The following THRB variants were observed in gnomAD, a reference collection of about 807,000 sequenced individuals.
THRB encodes thyroid hormone receptor beta.
THRB carries 12 observed loss-of-function variants against 47.8 expected under a neutral mutation model. The ratio of observed to expected loss-of-function variants is 0.25; its 90% CI spans 0.16 to 0.41. THRB has a LOEUF of 0.41. Among genes scored for constraint, THRB ranks in the 10% least tolerant of loss-of-function variants. The pLI, the probability that THRB is intolerant of heterozygous loss-of-function variation, is 1.00. For synonymous variants in THRB, 218 were observed against 212.2 expected (o/e 1.03, Z -0.24); for missense variants, 348 against 589.2 (o/e 0.59, Z 4.24).
At chr3:24,431,161 C>A (rs1470066585) in intron 1 of THRB, 1 of 151,674 alleles carries the variant, frequency 6.6e-6, no homozygotes, top group Admixed American at 6.6e-5. Context: ...AACATATGTT[C>A]ATTTAAAAAA....
chr3:24,332,268 A>G (rs1043847855), intron 2 of THRB, among the ~76,000 whole-genome samples: 6 of 152,222 alleles, frequency 3.9e-5, no homozygotes, highest in Non-Finnish European at 7.3e-5. Flanking sequence ...AACCAAGAGG[A>G]AATCTTGAGG....
rs1360728184 is a variant in THRB at position 24,164,588 on chromosome 3, A to C, written c.284-12098T>G. 2.6e-5 allele frequency among the ~76,000 whole-genome samples: 4 copies of C among 152,348 alleles called. No individual in the cohort carries two copies. The East Asian group carries it at 7.7e-4, about 29-fold the overall frequency. On this transcript the variant is annotated intron_variant, in intron 5 of 10. Coordinates refer to ENST00000646209, the MANE Select transcript of THRB (RefSeq NM_001354712.2). ...TCACTAAATCACTAAATATTTTACT[A>C]GTTAACTAGTCAACTAAAATAAACT...
intron 5 of THRB, among the ~76,000 whole-genome samples, chr3:24,177,048 T>C (rs1191211946): frequency 6.6e-6 from 1 of 152,200 alleles, no homozygotes; most frequent in East Asian, 1.9e-4. Context: ...ATCATTTATG[T>C]ATCAATACCA....
intron 2 of THRB, among the ~76,000 whole-genome samples, chr3:24,313,740 G>A (rs530101553): frequency 2.6e-4 from 39 of 151,832 alleles, no homozygotes; most frequent in African/African-American, 7.5e-4. Flanking sequence ...AATATTTCAA[G>A]TACATTTCCT....
intron 4 of THRB, among the ~76,000 whole-genome samples, chr3:24,195,675 C>T (rs938680947): frequency 1.3e-5 from 2 of 152,204 alleles, no homozygotes; most frequent in Non-Finnish European, 2.9e-5. Flanking sequence ...CACTGAGCCT[C>T]CCTCTGGCTG....
intron 4 of THRB, among the ~76,000 whole-genome samples, chr3:24,211,473 G>A (rs751812485): frequency 6.6e-6 from 1 of 152,144 alleles, no homozygotes; most frequent in Non-Finnish European, 1.5e-5. Context: ...CAGCCGATTT[G>A]TTAGGTATTC....
chr3:24,149,899 T>C (rs949640681), intron 6 of THRB, among the ~76,000 whole-genome samples: 1 of 152,266 alleles, frequency 6.6e-6, no homozygotes, highest in Non-Finnish European at 1.5e-5. Flanking sequence ...ATTTCATTGA[T>C]GATTTGTTGG....
At chr3:24,246,814 A>G (rs2050153523) in intron 3 of THRB, among the ~76,000 whole-genome samples, 1 of 152,216 alleles carries the variant, frequency 6.6e-6, no homozygotes, top group Admixed American at 6.5e-5. Context: ...TTTATCATAA[A>G]CAAGGCCCAC....
At chr3:24,416,265 G>A (rs952767854) in intron 1 of THRB, among the ~76,000 whole-genome samples, 1 of 151,798 alleles carries the variant, frequency 6.6e-6, no homozygotes, top group East Asian at 2.0e-4. Context: ...TGAATCCAGA[G>A]TAGCCAGTAT....
At chr3:24,370,883 G>A (rs1327595899) in intron 1 of THRB, among the ~76,000 whole-genome samples, 1 of 152,116 alleles carries the variant, frequency 6.6e-6, no homozygotes, top group Non-Finnish European at 1.5e-5. Context: ...TTTGAATTTA[G>A]GCCAAATCAC....
chr3:24,360,851 A>G (rs2064011410), intron 1 of THRB, among the ~76,000 whole-genome samples: 1 of 152,106 alleles, frequency 6.6e-6, no homozygotes, highest in Admixed American at 6.6e-5. Context: ...CAAAATATGC[A>G]CTCACTAAAC....
At chr3:24,212,180 C>G (rs1468675455) in intron 4 of THRB, among the ~76,000 whole-genome samples, 1 of 151,596 alleles carries the variant, frequency 6.6e-6, no homozygotes, top group Non-Finnish European at 1.5e-5. Flanking sequence ...GGGTGGATCA[C>G]GAAGTCAGGA....
chr3:24,370,495 AAAG>A (rs2064827637), intron 1 of THRB, among the ~76,000 whole-genome samples: 1 of 151,976 alleles, frequency 6.6e-6, no homozygotes, highest in Non-Finnish European at 1.5e-5. Context: ...GAGTGTGCAC[AAAG>A]AAGCAAGAGG....
At chr3:24,233,885 T>C (rs369056438) in intron 3 of THRB, among the ~76,000 whole-genome samples, 4 of 152,318 alleles carry the variant, frequency 2.6e-5, no homozygotes, top group East Asian at 1.9e-4. Flanking sequence ...TTCCCTGCCC[T>C]GCCTGACGTC....
chr3:24,291,336 TTAAATA>T (rs1244668699), intron 3 of THRB, among the ~76,000 whole-genome samples: 2 of 152,194 alleles, frequency 1.3e-5, no homozygotes, highest in Admixed American at 6.5e-5. Context: ...CTAGACATAT[TTAAATA>T]TAAAGTGCAA....
At chr3:24,404,349 A>T (rs76666921) in intron 1 of THRB, among the ~76,000 whole-genome samples, 1 of 151,938 alleles carries the variant, frequency 6.6e-6, no homozygotes, top group Non-Finnish European at 1.5e-5. Flanking sequence ...AAGAATCTAC[A>T]ACTTGTTGAG....
intron 5 of THRB, among the ~76,000 whole-genome samples, chr3:24,173,795 A>C (rs901699161): frequency 6.6e-6 from 1 of 152,178 alleles, no homozygotes; most frequent in Non-Finnish European, 1.5e-5. Context: ...TGAAGCCATC[A>C]GTGTCTACAG....
At chr3:24,264,792 T>A (rs1318373574) in intron 3 of THRB, among the ~76,000 whole-genome samples, 1 of 72,552 alleles carries the variant, frequency 1.4e-5, no homozygotes, top group East Asian at 4.7e-4. Context: ...AGCAATCTTG[T>A]TGCAAAAAAA....
At chr3:24,481,885 G>A (rs1302577350) in intron 1 of THRB, among the ~76,000 whole-genome samples, 1 of 151,142 alleles carries the variant, frequency 6.6e-6, no homozygotes, top group African/African-American at 2.4e-5. Flanking sequence ...GAGCAGGCTG[G>A]AATCCTGAGC....
Sources: allele counts gnomAD v4.1 joint callset (sites outside exome capture counted in the v4.1 genomes callset), GRCh38; gene constraint gnomAD v4.1.1; transcripts MANE v1.5; gene names NCBI Gene and HGNC (gene_info 2026-07-23, HGNC 2026-07-21).